ARHGEF28: variants seen among roughly 807,000 people sequenced by gnomAD.
ARHGEF28 encodes the protein Rho guanine nucleotide exchange factor 28.
A neutral mutation model predicts 206.6 loss-of-function variants in ARHGEF28; 152 were observed. The observed-to-expected ratio is 0.74, with a 90% CI of 0.64 to 0.84. The LOEUF is 0.84. ARHGEF28 is among the 40% of genes least tolerant of loss of function. ARHGEF28 has a pLI of 0.00. For synonymous variants in ARHGEF28, 763 were observed against 776.4 expected, an observed-to-expected ratio of 0.98 and a Z score of 0.29; for missense variants, 2,028 against 2,073.2, an observed-to-expected ratio of 0.98 and a Z score of 0.42.
intron 9 of ARHGEF28, among the ~76,000 whole-genome samples, chr5:73,802,838 A>G (rs1755216857): frequency 6.6e-6 from 1 of 151,466 alleles, no homozygotes. Context: ...AATTACATTT[A>G]CAAAGGGATA....
intron 29 of ARHGEF28, among the ~76,000 whole-genome samples, chr5:73,894,905 A>G (rs180844414): frequency 4.8e-4 from 73 of 152,246 alleles, no homozygotes; most frequent in African/African-American, 1.8e-3. Context: ...GCTAAGTGGT[A>G]TCTTGAGGGA....
At chr5:73,765,413 C>T (rs1156635956) in intron 4 of ARHGEF28, among the ~76,000 whole-genome samples, 9 of 152,178 alleles carry the variant, frequency 5.9e-5, no homozygotes, top group Admixed American at 3.9e-4. Flanking sequence ...CGGTGAGCCA[C>T]GGCTCCCAGT....
intron 35 of ARHGEF28, among the ~76,000 whole-genome samples, chr5:73,920,696 G>C (rs1278524390): frequency 1.3e-5 from 2 of 152,002 alleles, no homozygotes; most frequent in Non-Finnish European, 2.9e-5. Flanking sequence ...AGCCCCTCAT[G>C]CATCAGGTAT....
At position 73,755,458 on chromosome 5, in the gene ARHGEF28, A is replaced by C. The variant is rs990379765; in HGVS notation, c.475+2256A>C. On this transcript the variant is annotated intron_variant, in intron 4 of 35. Coordinates refer to ENST00000513042, the MANE Select transcript of ARHGEF28 (RefSeq NM_001177693.2). ...CCCAGGCCAGCAAGTCTCTCAGCAC[A>C]GCAGCTTGGTGCCTGCAGCGGTTTA... Among the ~76,000 whole-genome samples, 6 of 152,306 alleles carry C rather than the reference A, an allele frequency of 3.9e-5. No individual in the cohort carries two copies. In the East Asian group the frequency reaches 9.7e-4, roughly 25 times the overall value.
At chr5:73,841,243 G>C (rs1261673601) in intron 11 of ARHGEF28, among the ~76,000 whole-genome samples, 7 of 152,096 alleles carry the variant, frequency 4.6e-5, no homozygotes, top group African/African-American at 1.4e-4. Flanking sequence ...ATACTGTACA[G>C]TAATGAAAAT....
chr5:73,886,108 C>T lies in ARHGEF28; in HGVS notation c.3310+4C>T. On this transcript the variant is annotated splice_donor_region_variant and intron_variant, in intron 25 of 35. Coordinates refer to ENST00000513042, the MANE Select transcript of ARHGEF28 (RefSeq NM_001177693.2). ...ACTGCTACAGGTCGTTTCAAAGGTA[C>T]TGTGGCTCTACCAGACCAATTTCTC... 6.2e-7 allele frequency: 1 copy of T among 1,609,092 alleles called. No homozygotes were observed.
chr5:73,812,061 T>G (rs1755872380), intron 9 of ARHGEF28, among the ~76,000 whole-genome samples: 4 of 152,046 alleles, frequency 2.6e-5, no homozygotes, highest in Admixed American at 6.6e-5. Context: ...GTAACTATAC[T>G]CTAGTTGTAT....
At chr5:73,856,889 A>T (rs1035673282) in intron 14 of ARHGEF28, among the ~76,000 whole-genome samples, 4 of 152,228 alleles carry the variant, frequency 2.6e-5, no homozygotes, top group Non-Finnish European at 5.9e-5. Flanking sequence ...TTTCCTCAGT[A>T]ATAATAGAAA....
In ARHGEF28 at chr5:73,824,318, G is replaced by C. The variant is rs145609185; in HGVS notation, c.1025-8020G>C. 3.8e-3 allele frequency among the ~76,000 whole-genome samples: 576 copies of C among 152,196 alleles called. 3 individuals carry two copies. The highest frequency in any genetic ancestry group is 7.2e-3 in the Non-Finnish European group (489 of 68,018). ...AGTCGGGAAGTTACTTATCCTACCAGGAAGAGCAAAATAAAACTCTCATTC... is the reference window on the plus strand; with the variant it reads ...AGTCGGGAAGTTACTTATCCTACCACGAAGAGCAAAATAAAACTCTCATTC... On this transcript the variant is annotated intron_variant, in intron 9 of 35. Transcript: ENST00000513042.
chr5:73,744,697 T>G (rs1048505492), intron 2 of ARHGEF28, among the ~76,000 whole-genome samples: 1 of 152,024 alleles, frequency 6.6e-6, no homozygotes, highest in African/African-American at 2.4e-5. Flanking sequence ...ATATTTACCT[T>G]TATTATGCTT....
intron 9 of ARHGEF28, among the ~76,000 whole-genome samples, chr5:73,801,407 A>G (rs1003798945): frequency 6.6e-6 from 1 of 152,144 alleles, no homozygotes; most frequent in Non-Finnish European, 1.5e-5. Flanking sequence ...AGATCGCACC[A>G]CTGCACTCCA....
At chr5:73,758,027 G>A (rs541515866) in intron 4 of ARHGEF28, among the ~76,000 whole-genome samples, 62 of 152,070 alleles carry the variant, frequency 4.1e-4, no homozygotes, top group South Asian at 3.1e-3. Context: ...AAGCCCCCTC[G>A]ACCTTCCTGC....
intron 28 of ARHGEF28, among the ~76,000 whole-genome samples, chr5:73,893,651 C>T (rs1416408110): frequency 6.6e-6 from 1 of 152,162 alleles, no homozygotes; most frequent in Admixed American, 6.5e-5. Context: ...CCCCAGTTTG[C>T]AAGTGTGTGA....
intron 2 of ARHGEF28, among the ~76,000 whole-genome samples, chr5:73,691,411 C>T (rs1324355841): frequency 9.2e-5 from 14 of 152,040 alleles, no homozygotes; most frequent in Admixed American, 5.9e-4. Context: ...TTATAATTCC[C>T]GTTCCTGTAC....
At chr5:73,755,226 A>G (rs1752241540) in intron 4 of ARHGEF28, among the ~76,000 whole-genome samples, 1 of 151,976 alleles carries the variant, frequency 6.6e-6, no homozygotes, top group Non-Finnish European at 1.5e-5. Flanking sequence ...AATATTATAT[A>G]CATATAATGT....
intron 22 of ARHGEF28, among the ~76,000 whole-genome samples, chr5:73,875,456 G>A (rs1160757419): frequency 1.4e-5 from 2 of 148,140 alleles, no homozygotes; most frequent in Non-Finnish European, 3.0e-5. Context: ...GGCTTTTGTT[G>A]CCATTGCTTT....
chr5:73,675,244 C>G (rs534660284), intron 1 of ARHGEF28, among the ~76,000 whole-genome samples: 4 of 152,140 alleles, frequency 2.6e-5, no homozygotes, highest in African/African-American at 9.7e-5. Flanking sequence ...CTTCAACAAG[C>G]AAGGAAATTC....
rs571910028 is a variant in ARHGEF28 at position 73,913,751 on chromosome 5, T to A, written c.4948+2176T>A. On this transcript the variant is annotated intron_variant, in intron 35 of 35. Coordinates refer to ENST00000513042, the MANE Select transcript of ARHGEF28 (RefSeq NM_001177693.2). ...CCATCAGTGACCACTACTGAGGATC[T>A]CCATAGTTCACTGTAATCTGGCTAA... Among the ~76,000 whole-genome samples, 7 of 152,344 alleles carry A rather than the reference T, an allele frequency of 4.6e-5. No individual in the cohort carries two copies. In the South Asian group the frequency reaches 1.0e-3, roughly 23 times the overall value.
chr5:73,735,735 G>T (rs1750885847), intron 2 of ARHGEF28, among the ~76,000 whole-genome samples: 1 of 152,258 alleles, frequency 6.6e-6, no homozygotes, highest in Admixed American at 6.5e-5. Flanking sequence ...TGTCTTCCAA[G>T]CCCTCCATGC....
Sources: gnomAD v4.1 joint callset for allele counts (sites outside exome capture counted in the v4.1 genomes callset) on GRCh38, gnomAD v4.1.1 for gene constraint, MANE v1.5 for transcripts, NCBI Gene and HGNC (gene_info 2026-07-23, HGNC 2026-07-21) for gene names.